STK35: variants seen among roughly 807,000 people sequenced by gnomAD.
STK35 encodes serine/threonine-protein kinase 35.
Under a neutral mutation model 37.3 loss-of-function variants are expected in STK35, and 17 were observed. The ratio of observed to expected loss-of-function variants is 0.46; its 90% CI spans 0.31 to 0.68. STK35 has a LOEUF of 0.68. Among genes scored for constraint, STK35 ranks in the 30% least tolerant of loss-of-function variants. The pLI, the probability that STK35 is intolerant of heterozygous loss-of-function variation, is 0.05. For synonymous variants in STK35, 385 were observed against 319.1 expected (o/e 1.21, Z -2.20); for missense variants, 595 against 746.7 (o/e 0.80, Z 2.37).
At chr20:2,132,721 C>T (rs1187979033) in intron 3 of STK35, among the ~76,000 whole-genome samples, 1 of 152,198 alleles carries the variant, frequency 6.6e-6, no homozygotes, top group Non-Finnish European at 1.5e-5. Context: ...AGATGAGAAA[C>T]CTTTGCTTCT....
At chr20:2,106,439 G>A (rs2122540254) in intron 2 of STK35, among the ~76,000 whole-genome samples, 1 of 152,298 alleles carries the variant, frequency 6.6e-6, no homozygotes, top group Middle Eastern at 3.4e-3. Context: ...AAGAAAAAAA[G>A]CAAAGCAAAA....
chr20:2,102,709 C>T (rs1985420084), intron 1 of STK35, 59 bp from the exon 2 acceptor site: 2 of 1,312,718 alleles, frequency 1.5e-6, no homozygotes, highest in Middle Eastern at 2.2e-4. Flanking sequence ...CGCCCCGCGG[C>T]CTACGCTCCT....
At chr20:2,102,257 G>A in intron 1 of STK35, 82 bp downstream of exon 1, 1 of 1,379,236 alleles carries the variant, frequency 7.3e-7, no homozygotes, top group Non-Finnish European at 9.4e-7. Flanking sequence ...AAGGGAAATC[G>A]GGTCCTCGGC....
At chr20:2,141,677 GTATT>G (rs1335289682) in intron 3 of STK35, among the ~76,000 whole-genome samples, 1 of 152,180 alleles carries the variant, frequency 6.6e-6, no homozygotes, top group African/African-American at 2.4e-5. Flanking sequence ...ACATGTTGGT[GTATT>G]TATTGTCAGA....
chr20:2,125,226 A>G (rs1349459749), intron 3 of STK35, among the ~76,000 whole-genome samples: 1 of 151,408 alleles, frequency 6.6e-6, no homozygotes, highest in Non-Finnish European at 1.5e-5. Flanking sequence ...ATTTCCTCTT[A>G]CCCCAGGGAC....
intron 3 of STK35, among the ~76,000 whole-genome samples, chr20:2,137,519 T>C (rs1986106315): frequency 6.6e-6 from 1 of 152,214 alleles, no homozygotes; most frequent in African/African-American, 2.4e-5. Context: ...TCCTGTTGTA[T>C]ATGTTGTATA....
At chr20:2,104,825 C>G (rs867000212) in intron 2 of STK35, among the ~76,000 whole-genome samples, 1 of 152,082 alleles carries the variant, frequency 6.6e-6, no homozygotes, top group Admixed American at 6.6e-5. Context: ...TTCTGAGAAG[C>G]CTACCCTCTC....
intron 3 of STK35, among the ~76,000 whole-genome samples, chr20:2,136,630 G>A (rs1986091282): frequency 6.6e-6 from 1 of 152,228 alleles, no homozygotes; most frequent in South Asian, 2.1e-4. Context: ...CTATCATGTG[G>A]AATGAATGAT....
intron 2 of STK35, among the ~76,000 whole-genome samples, chr20:2,106,362 A>C (rs1248414486): frequency 6.6e-6 from 1 of 152,206 alleles, no homozygotes; most frequent in African/African-American, 2.4e-5. Flanking sequence ...CAGGCCAAAA[A>C]GTGTGAATCT....
At chr20:2,107,276 A>T (rs1985533399) in intron 2 of STK35, among the ~76,000 whole-genome samples, 1 of 152,248 alleles carries the variant, frequency 6.6e-6, no homozygotes, top group Non-Finnish European at 1.5e-5. Flanking sequence ...ACTCACAGAC[A>T]CTAATCCAGG....
intron 3 of STK35, among the ~76,000 whole-genome samples, chr20:2,140,513 T>A (rs1261146016): frequency 1.3e-5 from 2 of 152,232 alleles, no homozygotes; most frequent in Non-Finnish European, 2.9e-5. Flanking sequence ...CTACCTTCGG[T>A]GAGCTTACTG....
At chr20:2,108,556 A>G (rs1985559988) in intron 2 of STK35, among the ~76,000 whole-genome samples, 3 of 152,238 alleles carry the variant, frequency 2.0e-5, no homozygotes, top group South Asian at 4.1e-4. Flanking sequence ...TTAGTTGTAT[A>G]TTGATCAGTG....
intron 3 of STK35, among the ~76,000 whole-genome samples, chr20:2,138,264 GA>G (rs1371385083): frequency 6.6e-6 from 1 of 152,168 alleles, no homozygotes; most frequent in African/African-American, 2.4e-5. Flanking sequence ...CTAAATCTGA[GA>G]GTCAGGATAG....
chr20:2,126,872 C>T (rs985473042), intron 3 of STK35, among the ~76,000 whole-genome samples: 3 of 152,124 alleles, frequency 2.0e-5, no homozygotes, highest in African/African-American at 7.2e-5. Context: ...GGTCAGAACT[C>T]TATATTTTGT....
intron 2 of STK35, among the ~76,000 whole-genome samples, chr20:2,104,753 G>T (rs73577247): frequency 6.6e-6 from 1 of 152,120 alleles, no homozygotes; most frequent in Non-Finnish European, 1.5e-5. Flanking sequence ...ACATGAATCA[G>T]TATCACCTAG....
At chr20:2,134,717 C>G (rs566533215) in intron 3 of STK35, among the ~76,000 whole-genome samples, 1 of 152,130 alleles carries the variant, frequency 6.6e-6, no homozygotes, top group African/African-American at 2.4e-5. Flanking sequence ...ATGGTGAAAC[C>G]CCATCTCTAC....
chr20:2,108,627 C>T (rs1600599991), intron 2 of STK35, among the ~76,000 whole-genome samples: 1 of 152,172 alleles, frequency 6.6e-6, no homozygotes. Flanking sequence ...AGGGACCCCA[C>T]CTGCTCTCTG....
chr20:2,102,837 G>A lies in STK35; in HGVS notation c.364G>A (p.Ala122Thr). Reference protein sequence around the residue: ...GRRDEAGGARAAPLLLPPPPA... With the variant: ...GRRDEAGGARTAPLLLPPPPA... ...GAGGGATGAGGCAGGGGGGGCCCGGGCAGCGCCGTTGCTGCTCCCCCCGCC... is the reference window on the plus strand; with the variant it reads ...GAGGGATGAGGCAGGGGGGGCCCGGACAGCGCCGTTGCTGCTCCCCCCGCC... Residue 122 changes from alanine (A) to threonine (T), a missense_variant, in exon 2 of 4, where the codon GCA becomes ACA. Physicochemically the swap from Ala to Thr is moderately conservative, Grantham distance 58. Around this residue, in one of 3 missense-constraint regions of STK35, gnomAD observed 389 missense variants for 320.0 expected, o/e 1.22. Coordinates refer to ENST00000381482, the MANE Select transcript of STK35 (RefSeq NM_080836.4). 6.5e-7 allele frequency: 1 copy of A among 1,535,758 alleles called. No homozygotes were observed. Among genetic ancestry groups the A allele is most frequent in the East Asian group, 2.5e-5 (1 of 39,524 alleles).
At chr20:2,110,203 T>G (rs1293086192) in intron 2 of STK35, among the ~76,000 whole-genome samples, 1 of 152,248 alleles carries the variant, frequency 6.6e-6, no homozygotes, top group Non-Finnish European at 1.5e-5. Context: ...ACTAAAATAT[T>G]TTAATGTACA....
Sources: gnomAD v4.1 joint callset for allele counts (sites outside exome capture counted in the v4.1 genomes callset) on GRCh38, gnomAD v4.1.1 for gene constraint, gnomAD v4.1.1 regional missense constraint, MANE v1.5 for transcripts, NCBI Gene and HGNC (gene_info 2026-07-23, HGNC 2026-07-21) for gene names.